The following TBATA variants were observed in gnomAD, a reference collection of about 807,000 sequenced individuals.
TBATA encodes the protein protein TBATA.
In TBATA, 47 loss-of-function variants were observed where a neutral mutation model predicts 38.7. The observed-to-expected ratio is 1.21, with a 90% confidence interval of 0.96 to 1.55. TBATA has a LOEUF of 1.55. Among genes scored for constraint, TBATA ranks in the 40% most tolerant of loss-of-function variants. The pLI is 0.00. For synonymous variants in TBATA, 183 were observed against 170.5 expected, an observed-to-expected ratio of 1.07 and a Z score of -0.57; for missense variants, 436 against 435.6, an observed-to-expected ratio of 1.00 and a Z score of -0.01.
At position 70,781,811 on chromosome 10, in the gene TBATA, G is replaced by T. The variant is rs1468437682; in HGVS notation, c.267C>A (p.Thr89=). The T allele has an allele frequency of 9.9e-6, 16 of 1,613,846 alleles. No individual in the cohort carries two copies. Among genetic ancestry groups the T allele is most frequent in the Non-Finnish European group, 1.4e-5 (16 of 1,179,846 alleles). ...SRHHPHPQHV[T]HIQDLTGKPV... ...CCAGCCAGGCCCTACCTTGGATGTG[G>T]GTCACGTGCTGGGGGTGTGGGTGGT... The change falls in exon 4 of 11, where the codon ACC becomes ACA. Residue 89 remains threonine (T), a synonymous_variant. Transcript: ENST00000456372.
chr10:70,779,659 C>T lies in TBATA; in HGVS notation c.361G>A (p.Gly121Arg). 1 of 1,533,524 alleles carries T rather than the reference C, an allele frequency of 6.5e-7. No homozygotes were observed. The highest frequency in any genetic ancestry group is 8.7e-7 in the Non-Finnish European group (1 of 1,150,472). 95.0% of individuals were successfully genotyped at this position (1,533,524 alleles called of 1,614,324 possible). A position where few individuals can be genotyped will look rare whatever the true frequency, so the allele number is the denominator to read the frequency against. The change falls in exon 5 of 11, where the codon GGG becomes AGG. Residue 121 changes from glycine (G) to arginine (R), a missense_variant. Physicochemically the swap from Gly to Arg is moderately radical, Grantham distance 125. Coordinates refer to ENST00000456372, the MANE Select transcript of TBATA (RefSeq NM_001318241.2). ...ATGGGGACAGAGATGGTGGGTATCCCCATTTGACAGCCGGAAAAGACAGTT... is the reference window on the plus strand; with the variant it reads ...ATGGGGACAGAGATGGTGGGTATCCTCATTTGACAGCCGGAAAAGACAGTT... ...ESTVFSGCQM[G>R]IPTISVPIGD...
rs578010400 is a variant in TBATA at position 70,771,294 on chromosome 10, G to T, written c.*82C>A. 1.9e-5 allele frequency: 31 copies of T among 1,613,022 alleles called. No individual in the cohort carries two copies. In the African/African-American group the frequency reaches 2.9e-4, roughly 15 times the overall value. ...TTTTCACGGTAGGGAATCAGGTACTGCTGTGAAGGTGGTGGAGACAGAAAC... is the reference window on the plus strand; with the variant it reads ...TTTTCACGGTAGGGAATCAGGTACTTCTGTGAAGGTGGTGGAGACAGAAAC... On this transcript the variant is annotated 3_prime_UTR_variant, in exon 11 of 11. Transcript: ENST00000456372.
At position 70,778,655 on chromosome 10, in the gene TBATA, G is replaced by T. The variant is rs1361875794; in HGVS notation, c.428-19C>A. ...CAGGCTTCTGGGAGGAGGGGACAAG[G>T]TCCTGCCAACTGAAGTCAGGGGCCC... On this transcript the variant is annotated intron_variant, in intron 5 of 10. Coordinates refer to ENST00000456372, the MANE Select transcript of TBATA (RefSeq NM_001318241.2). The T allele has an allele frequency of 1.9e-6, 3 of 1,613,124 alleles. No homozygotes were observed. The highest frequency in any genetic ancestry group is 2.7e-5 in the African/African-American group (2 of 74,906).
chr10:70,774,507 T>C, intron 8 of TBATA, 150 bp from the exon 9 acceptor site: 1 of 702,386 alleles, frequency 1.4e-6, no homozygotes, highest in South Asian at 1.9e-5. Context: ...CTCCCCCTTC[T>C]CTCCTGGCCC....
chr10:70,778,467 G>T, intron 6 of TBATA, 90 bp downstream of exon 6: 2 of 1,316,752 alleles, frequency 1.5e-6, no homozygotes, highest in Non-Finnish European at 2.2e-6. Flanking sequence ...CCCACCTCTG[G>T]TAGGCTGAAC....
Position 70,771,250 on chromosome 10 carries a change from C to T in TBATA, c.*126G>A, listed in dbSNP as rs776095604. ...CAGAACTGTCCTCTCTCAGGGAAGA[C>T]GGTTTTATTTAGTAAGAGTTTTCAC... On this transcript the variant is annotated 3_prime_UTR_variant, in exon 11 of 11. Transcript: ENST00000456372. 49 of 1,594,148 alleles carry T rather than the reference C, an allele frequency of 3.1e-5. No homozygotes were observed. Among genetic ancestry groups the T allele is most frequent in the African/African-American group, 3.0e-4 (22 of 74,448 alleles).
chr10:70,774,029 G>C, intron 9 of TBATA, 184 bp downstream of exon 9: 1 of 363,048 alleles, frequency 2.8e-6, no homozygotes, highest in Non-Finnish European at 3.8e-6. Context: ...GTCTGGCTGT[G>C]TTGGCCTTGA....
rs141095600 is a variant in TBATA, at chr10:70,781,941, A to G, written c.137T>C (p.Ile46Thr). ...GPQKELVIPG[I>T]VDFERIRRAL... ...CCGGCGGATCCGCTCGAAATCCACA[A>G]TCCCTGGGATCACCAGTTCTTTCTG... Residue 46 changes from isoleucine (I) to threonine (T), a missense_variant, in exon 4 of 11, where the codon ATT becomes ACT. Ile to Thr is a moderately conservative substitution (Grantham distance 89). Transcript: ENST00000456372. The G allele has an allele frequency of 3.7e-5, 59 of 1,614,118 alleles. No homozygotes were observed. In the African/African-American group the frequency reaches 6.9e-4, roughly 19 times the overall value.
chr10:70,782,430 C>G, intron 3 of TBATA: 2 of 1,297,026 alleles, frequency 1.5e-6, no homozygotes, highest in Non-Finnish European at 2.0e-6. Context: ...TCAACAGGGG[C>G]CTCTCCCCAA....
rs762069444 is a variant in TBATA at position 70,777,152 on chromosome 10, C to A, written c.693+1G>T. ...GCCTGGGAGCAGAACTGGGCCCTCA[C>A]CAGCAGCTCCTGATCCTGAAGGAGG... On this transcript the variant is annotated splice_donor_variant, in intron 7 of 10. Coordinates refer to ENST00000456372, the MANE Select transcript of TBATA (RefSeq NM_001318241.2). LOFTEE classifies it high-confidence loss of function. 5.6e-6 allele frequency: 9 copies of A among 1,611,856 alleles called. No homozygotes were observed. Among genetic ancestry groups the A allele is most frequent in the Admixed American group, 1.7e-5 (1 of 59,962 alleles).
intron 10 of TBATA, 23 bp from the exon 11 acceptor site, chr10:70,771,484 G>T (rs371653857): frequency 1.9e-6 from 3 of 1,610,398 alleles, no homozygotes; most frequent in African/African-American, 2.7e-5. Context: ...GAGACAGCAG[G>T]CAGGAGAGGA....
At chr10:70,772,236 G>T in intron 10 of TBATA, 1 of 634,028 alleles carries the variant, frequency 1.6e-6, no homozygotes, top group Non-Finnish European at 3.0e-6. Context: ...CTCCCCAGGT[G>T]TTTTAATTTG....
chr10:70,778,830 G>A (rs1843760666), intron 5 of TBATA, 194 bp from the exon 6 acceptor site: 4 of 673,178 alleles, frequency 5.9e-6, no homozygotes, highest in Non-Finnish European at 8.1e-6. Context: ...GTGGCAGTGG[G>A]TGGGGTGCGG....
rs531710603 is a variant in TBATA, at chr10:70,784,228, C to T, written c.-147+419G>A. 1.3e-3 allele frequency among the ~76,000 whole-genome samples: 199 copies of T among 152,038 alleles called. 1 individual carries two copies. The highest frequency in any genetic ancestry group is 2.4e-3 in the Non-Finnish European group (162 of 68,004). The stretch of plus-strand genomic sequence containing the variant: ...ACGAAATTCACATAGTGGCTATTTC[C>T]GAGGGAAGGCGGGGAGGGGAAGTGT... On this transcript the variant is annotated intron_variant, in intron 2 of 10. Transcript: ENST00000456372.
chr10:70,777,817 G>A, intron 6 of TBATA: 1 of 455,176 alleles, frequency 2.2e-6, no homozygotes, highest in Non-Finnish European at 4.4e-6. Flanking sequence ...TGGTGCCTGG[G>A]GCCTCCTGCT....
At chr10:70,778,746 T>A in intron 5 of TBATA, 110 bp from the exon 6 acceptor site, 1 of 962,990 alleles carries the variant, frequency 1.0e-6, no homozygotes, top group Non-Finnish European at 1.7e-6. Flanking sequence ...CCTCCCTGCC[T>A]GGATCTTAAA....
chr10:70,775,226 G>T lies in TBATA; in HGVS notation c.738C>A (p.Ser246Arg), dbSNP rs779201349. 1 of 1,614,162 alleles carries T rather than the reference G, an allele frequency of 6.2e-7. No individual in the cohort carries two copies. The highest frequency in any genetic ancestry group is 8.5e-7 in the Non-Finnish European group (1 of 1,180,004). The change falls in exon 8 of 11, where the codon AGC becomes AGA. Residue 246 changes from serine (S) to arginine (R), a missense_variant. Transcript: ENST00000456372. ...CGTAGAGCAGCCAGAACTGGATTGC[G>T]CTTAGCAAGTCTGTTTCCAGGATCC... The part of the protein sequence containing the change: ...LCRILETDLL[S>R]AIQFWLLYAP...
chr10:70,771,942 C>A (rs1159707144), intron 10 of TBATA, among the ~76,000 whole-genome samples: 1 of 152,088 alleles, frequency 6.6e-6, no homozygotes, highest in Non-Finnish European at 1.5e-5. Flanking sequence ...CCCTCTTCTA[C>A]ACCCATGCAC....
chr10:70,771,485 C>T (rs1589359737), intron 10 of TBATA, 24 bp from the exon 11 acceptor site: 2 of 1,609,250 alleles, frequency 1.2e-6, no homozygotes, highest in East Asian at 4.5e-5. Context: ...AGACAGCAGG[C>T]AGGAGAGGAC....
Sources: allele counts gnomAD v4.1 joint callset (sites outside exome capture counted in the v4.1 genomes callset), GRCh38; gene constraint gnomAD v4.1.1; transcripts MANE v1.5; gene names NCBI Gene and HGNC (gene_info 2026-07-23, HGNC 2026-07-21).